THSD7B: variants seen among roughly 807,000 people sequenced by gnomAD.
THSD7B encodes thrombospondin type-1 domain-containing protein 7B.
Under a neutral mutation model 213.6 loss-of-function variants are expected in THSD7B, and 138 were observed. The observed-to-expected ratio is 0.65, with a 90% CI of 0.56 to 0.74. The LOEUF (loss-of-function observed/expected upper bound fraction) is 0.74. Ranked by LOEUF, THSD7B falls within the 30% of genes least tolerant of loss-of-function variation. THSD7B has a pLI of 0.00. For synonymous variants in THSD7B, 742 were observed against 687.0 expected (o/e 1.08, Z -1.25); for missense variants, 1,931 against 1,991.5 (o/e 0.97, Z 0.58).
chr2:137,463,209 G>T (rs530402393), intron 15 of THSD7B, among the ~76,000 whole-genome samples: 1 of 152,118 alleles, frequency 6.6e-6, no homozygotes, highest in Non-Finnish European at 1.5e-5. Flanking sequence ...ACCATGTAGC[G>T]TAAGCCAGGG....
At chr2:137,573,080 A>G (rs115520806) in intron 17 of THSD7B, among the ~76,000 whole-genome samples, 3,546 of 151,918 alleles carry the variant, frequency 0.023, 77 homozygotes, top group East Asian at 0.076. Flanking sequence ...AAAAAAAACT[A>G]AAGGATATAC....
At chr2:137,398,152 C>T (rs1397599587) in intron 12 of THSD7B, among the ~76,000 whole-genome samples, 1 of 150,056 alleles carries the variant, frequency 6.7e-6, no homozygotes, top group African/African-American at 2.4e-5. Context: ...CGTCTGAAGC[C>T]TTCTCTCAGC....
At chr2:137,537,452 G>C (rs1680528636) in intron 15 of THSD7B, among the ~76,000 whole-genome samples, 1 of 151,642 alleles carries the variant, frequency 6.6e-6, no homozygotes, top group Non-Finnish European at 1.5e-5. Context: ...AATAGTGATA[G>C]TTAATCTGGC....
chr2:137,056,015 T>G (rs1217628802), intron 2 of THSD7B, among the ~76,000 whole-genome samples: 1 of 152,162 alleles, frequency 6.6e-6, no homozygotes, highest in Non-Finnish European at 1.5e-5. Context: ...ACCACCTCAG[T>G]GGAAAGTATT....
At chr2:137,172,036 T>C (rs1483304263) in intron 7 of THSD7B, among the ~76,000 whole-genome samples, 2 of 152,222 alleles carry the variant, frequency 1.3e-5, no homozygotes, top group Non-Finnish European at 2.9e-5. Flanking sequence ...TGGTAACATA[T>C]GTGCAATTTA....
At chr2:137,011,025 C>T (rs1165804404) in intron 2 of THSD7B, among the ~76,000 whole-genome samples, 1 of 152,060 alleles carries the variant, frequency 6.6e-6, no homozygotes, top group African/African-American at 2.4e-5. Context: ...TGTTATTAGC[C>T]TTTCATTAGT....
At chr2:136,847,721 C>T (rs746026730) in intron 1 of THSD7B, among the ~76,000 whole-genome samples, 1 of 152,120 alleles carries the variant, frequency 6.6e-6, no homozygotes, top group Non-Finnish European at 1.5e-5. Context: ...CTACCTACAT[C>T]CCACCCTTCA....
chr2:136,988,298 C>T (rs569605694), intron 2 of THSD7B, among the ~76,000 whole-genome samples: 1 of 152,224 alleles, frequency 6.6e-6, no homozygotes, highest in South Asian at 2.1e-4. Context: ...AGCAGGGATG[C>T]TAATATGAGA....
At chr2:137,655,448 C>T (rs62168467) in intron 21 of THSD7B, 53 bp from the exon 22 acceptor site, 144,561 of 1,542,762 alleles carry the variant, frequency 0.094, 7,355 homozygotes, top group Middle Eastern at 0.15. Context: ...AGAGCCAAAA[C>T]TTTGAGATGT....
intron 20 of THSD7B, among the ~76,000 whole-genome samples, chr2:137,628,237 C>T (rs114815839): frequency 6.6e-6 from 1 of 152,150 alleles, no homozygotes; most frequent in Non-Finnish European, 1.5e-5. Context: ...TCACCCTAAT[C>T]TCCCAATTTT....
At chr2:136,885,096 C>G (rs947250119) in intron 2 of THSD7B, among the ~76,000 whole-genome samples, 8 of 152,060 alleles carry the variant, frequency 5.3e-5, no homozygotes, top group African/African-American at 1.9e-4. Context: ...TTATCAAATC[C>G]AAGAACTCAG....
intron 10 of THSD7B, among the ~76,000 whole-genome samples, chr2:137,260,666 G>T (rs1267315067): frequency 1.3e-5 from 2 of 152,190 alleles, no homozygotes; most frequent in Non-Finnish European, 2.9e-5. Flanking sequence ...TCTGGAGGCT[G>T]AGGTGAGAGG....
chr2:137,148,611 A>G (rs1324365823), intron 5 of THSD7B, among the ~76,000 whole-genome samples: 1 of 152,210 alleles, frequency 6.6e-6, no homozygotes, highest in Non-Finnish European at 1.5e-5. Flanking sequence ...GATATGGACA[A>G]TAAAGTCCAG....
At chr2:137,235,236 C>T (rs1022191151) in intron 9 of THSD7B, among the ~76,000 whole-genome samples, 3 of 151,932 alleles carry the variant, frequency 2.0e-5, no homozygotes, top group East Asian at 3.9e-4. Flanking sequence ...AAAAGATGCA[C>T]GAAAGATTAG....
At chr2:137,219,201 T>A (rs1681313536) in intron 7 of THSD7B, among the ~76,000 whole-genome samples, 1 of 152,078 alleles carries the variant, frequency 6.6e-6, no homozygotes, top group African/African-American at 2.4e-5. Context: ...ATAGGAACAG[T>A]TTAATAGCCA....
chr2:137,258,693 T>A (rs1682365387), intron 10 of THSD7B, among the ~76,000 whole-genome samples: 5 of 152,008 alleles, frequency 3.3e-5, no homozygotes, highest in Admixed American at 2.0e-4. Flanking sequence ...CATTTTTTTT[T>A]ATTTTAGGTT....
intron 7 of THSD7B, among the ~76,000 whole-genome samples, chr2:137,177,964 G>A (rs190751575): frequency 6.1e-4 from 93 of 151,756 alleles, no homozygotes; most frequent in African/African-American, 2.2e-3. Context: ...CCAGCTATTC[G>A]GGAGGCTGAG....
At chr2:137,454,081 G>T (rs1456068033) in intron 15 of THSD7B, among the ~76,000 whole-genome samples, 3 of 152,164 alleles carry the variant, frequency 2.0e-5, no homozygotes, top group African/African-American at 7.2e-5. Context: ...TGGGAGTGCA[G>T]ACATCTCTTC....
intron 24 of THSD7B, among the ~76,000 whole-genome samples, chr2:137,659,200 G>A (rs1683294980): frequency 6.6e-6 from 1 of 152,110 alleles, no homozygotes; most frequent in African/African-American, 2.4e-5. Context: ...TGATACCATG[G>A]TCCCATGAAT....
Sources: gnomAD v4.1 joint callset for allele counts (sites outside exome capture counted in the v4.1 genomes callset) on GRCh38, gnomAD v4.1.1 for gene constraint, MANE v1.5 for transcripts, NCBI Gene and HGNC (gene_info 2026-07-23, HGNC 2026-07-21) for gene names.